Variants in CA5A observed in about 807,000 individuals in gnomAD.
CA5A encodes the protein carbonic anhydrase 5A, mitochondrial.
A neutral mutation model predicts 37.1 loss-of-function variants in CA5A; 28 were observed. The observed-to-expected ratio is 0.75, with a 90% CI of 0.56 to 1.03. The LOEUF (loss-of-function observed/expected upper bound fraction) is 1.03. Ranked by LOEUF, CA5A falls within the 50% of genes least tolerant of loss-of-function variation. The pLI is 0.00. For synonymous variants in CA5A, 171 were observed against 158.4 expected, an observed-to-expected ratio of 1.08 and a Z score of -0.60; for missense variants, 444 against 399.9, an observed-to-expected ratio of 1.11 and a Z score of -0.94.
At chr16:87,914,932 CGA>C (rs2056112304) in intron 2 of CA5A, among the ~76,000 whole-genome samples, 2 of 152,324 alleles carry the variant, frequency 1.3e-5, no homozygotes, top group Admixed American at 1.3e-4. Flanking sequence ...GTCTTCGGAA[CGA>C]GAGTTAATCC....
intron 1 of CA5A, among the ~76,000 whole-genome samples, chr16:87,934,796 C>T (rs563474603): frequency 6.6e-6 from 1 of 152,092 alleles, no homozygotes; most frequent in Non-Finnish European, 1.5e-5. Flanking sequence ...CCTATCTCTA[C>T]TAAAAATACA....
At chr16:87,893,125 CCTTTCTTTCTTT>C (rs555248928) in intron 5 of CA5A, 1 of 523,134 alleles carries the variant, frequency 1.9e-6, no homozygotes. Flanking sequence ...TTTCTTTCTT[CCTTTCTTTCTTT>C]CTTTCTTTCT....
At chr16:87,929,745 G>A (rs539170872) in intron 1 of CA5A, among the ~76,000 whole-genome samples, 14 of 151,610 alleles carry the variant, frequency 9.2e-5, no homozygotes, top group Admixed American at 2.6e-4. Context: ...GGTGGCGGGC[G>A]CCTGTAGTCC....
chr16:87,895,922 T>G (rs1409522648), intron 5 of CA5A, among the ~76,000 whole-genome samples: 1 of 152,156 alleles, frequency 6.6e-6, no homozygotes, highest in African/African-American at 2.4e-5. Flanking sequence ...AGCTGGGCTG[T>G]GAAGGAGCAG....
At chr16:87,906,225 G>A (rs1168054325) in intron 2 of CA5A, among the ~76,000 whole-genome samples, 1 of 89,722 alleles carries the variant, frequency 1.1e-5, no homozygotes. Flanking sequence ...CATAGCTGTG[G>A]AGGAGCCTCA....
intron 2 of CA5A, among the ~76,000 whole-genome samples, chr16:87,916,112 G>A (rs140298870): frequency 0.048 from 7,163 of 148,960 alleles, 257 homozygotes; most frequent in South Asian, 0.16. Flanking sequence ...AGCTTGCAGT[G>A]AGCAGAGATC....
intron 5 of CA5A, 73 bp downstream of exon 5, chr16:87,901,839 A>T: frequency 7.7e-7 from 1 of 1,294,344 alleles, no homozygotes; most frequent in Non-Finnish European, 1.1e-6. Flanking sequence ...CACCTGCCTC[A>T]GCCTCCCAAA....
At chr16:87,917,642 C>G (rs1331248303) in intron 2 of CA5A, among the ~76,000 whole-genome samples, 1 of 149,152 alleles carries the variant, frequency 6.7e-6, no homozygotes, top group Non-Finnish European at 1.5e-5. Flanking sequence ...TGTGCGCACA[C>G]ACATGAACAC....
chr16:87,922,362 A>C (rs1330444111), intron 2 of CA5A, among the ~76,000 whole-genome samples: 1 of 152,202 alleles, frequency 6.6e-6, no homozygotes, highest in Non-Finnish European at 1.5e-5. Flanking sequence ...GACCAAAAGC[A>C]GGCTTTGACT....
intron 2 of CA5A, 49 bp from the exon 3 acceptor site, chr16:87,904,953 A>C (rs764322689): frequency 1.5e-5 from 18 of 1,215,898 alleles, no homozygotes; most frequent in Non-Finnish European, 2.0e-5. Context: ...CTGTTTGTTG[A>C]GCTGTGGTGT....
At chr16:87,884,769 G>C (rs1231516934), downstream of CA5A, 1 of 151,992 alleles carries the variant, frequency 6.6e-6, no homozygotes, top group African/African-American at 2.4e-5. Flanking sequence ...ACTGATTTTG[G>C]ATTTTTTCCA....
At chr16:87,882,398 C>T (rs906842846) in intron 4 of CA5A, 5 of 152,192 alleles carry the variant, frequency 3.3e-5, no homozygotes, top group African/African-American at 1.2e-4. Flanking sequence ...GCTGCGTATC[C>T]CTTGGCCTAG....
At chr16:87,926,722 G>C (rs1269568698) in intron 2 of CA5A, 26 bp downstream of exon 2, 1 of 1,585,524 alleles carries the variant, frequency 6.3e-7, no homozygotes. Context: ...AGAGGACAAA[G>C]CCCTCGAGCC....
In CA5A at chr16:87,907,848, C is replaced by A. The variant is rs1487965332; in HGVS notation, c.341-2944G>T. ...GGCTGAGGCAGGAGAATTGCTTGAA[C>A]TTGGCAGGCGGAGGTTGCAGTGAGC... On this transcript the variant is annotated intron_variant, in intron 2 of 6. Coordinates refer to ENST00000649794, the MANE Select transcript of CA5A (RefSeq NM_001739.2). Among the ~76,000 whole-genome samples, 4 of 152,328 alleles carry A rather than the reference C, an allele frequency of 2.6e-5. No homozygotes were observed. In the South Asian group the frequency reaches 8.3e-4, roughly 32 times the overall value.
rs569453641 is a variant in CA5A, at chr16:87,920,399, G to A, written c.340+6349C>T. 3.2e-4 allele frequency among the ~76,000 whole-genome samples: 49 copies of A among 152,008 alleles called. No homozygotes were observed. In the South Asian group the frequency reaches 9.6e-3, roughly 30 times the overall value. Reference sequence around the variant, plus strand: ...GCAATCTCAGCTCACTGCAACCTCCGCCTCCTGGGTTCAAGCAATTCTGCC... The same window carrying A: ...GCAATCTCAGCTCACTGCAACCTCCACCTCCTGGGTTCAAGCAATTCTGCC... On this transcript the variant is annotated intron_variant, in intron 2 of 6. Transcript: ENST00000649794.
intron 4 of CA5A, chr16:87,882,043 C>T: frequency 6.6e-6 from 1 of 152,190 alleles, no homozygotes; most frequent in Non-Finnish European, 1.5e-5. Context: ...AGCCCAGGGC[C>T]CCTCTGGCCG....
chr16:87,932,138 G>T (rs61184130), intron 1 of CA5A, among the ~76,000 whole-genome samples: 2 of 151,962 alleles, frequency 1.3e-5, no homozygotes, highest in African/African-American at 4.8e-5. Flanking sequence ...CCCCTTTGAG[G>T]CCTCACAAAT....
At chr16:87,893,198 G>C in intron 5 of CA5A, 2 of 428,264 alleles carry the variant, frequency 4.7e-6, no homozygotes, top group Non-Finnish European at 8.4e-6. Flanking sequence ...TGCGATCTCA[G>C]CTCACTGCAG....
downstream of CA5A, chr16:87,885,328 A>G (rs1357115889): frequency 6.5e-6 from 1 of 152,782 alleles, no homozygotes; most frequent in Non-Finnish European, 1.5e-5. Flanking sequence ...CAGACAGCCC[A>G]AGAGAAAAAT....
Sources: allele counts gnomAD v4.1 joint callset (sites outside exome capture counted in the v4.1 genomes callset), GRCh38; gene constraint gnomAD v4.1.1; transcripts MANE v1.5; gene names NCBI Gene and HGNC (gene_info 2026-07-23, HGNC 2026-07-21).